The following FSTL5 variants were observed in gnomAD, a reference collection of about 807,000 sequenced individuals.
FSTL5 encodes the protein follistatin-related protein 5.
Under a neutral mutation model 89.1 loss-of-function variants are expected in FSTL5, and 62 were observed. The observed-to-expected ratio is 0.70, with a 90% confidence interval of 0.57 to 0.86. FSTL5 has a LOEUF of 0.86. Ranked by LOEUF, FSTL5 falls within the 40% of genes least tolerant of loss-of-function variation. The pLI, the probability that FSTL5 is intolerant of heterozygous loss-of-function variation, is 0.00. For missense variants in FSTL5, 1,057 were observed against 1,001.6 expected (o/e 1.06, Z -0.75); for synonymous variants, 383 against 346.2 (o/e 1.11, Z -1.18).
intron 8 of FSTL5, among the ~76,000 whole-genome samples, chr4:161,582,394 T>G (rs1733466760): frequency 6.6e-6 from 1 of 152,208 alleles, no homozygotes; most frequent in Non-Finnish European, 1.5e-5. Context: ...GTAGATAATT[T>G]GCATTTTCTC....
chr4:162,128,822 ACT>A, intron 1 of FSTL5, among the ~76,000 whole-genome samples: 1 of 152,190 alleles, frequency 6.6e-6, no homozygotes, highest in East Asian at 1.9e-4. Flanking sequence ...TCTTAAAATG[ACT>A]CTCATTGTAA....
rs118171034 is a variant in FSTL5, at chr4:161,668,036, G to C, written c.728-11542C>G. 6.0e-3 allele frequency among the ~76,000 whole-genome samples: 908 copies of C among 151,658 alleles called. 9 individuals are homozygous for C. Among genetic ancestry groups the C allele is most frequent in the South Asian group, 0.045 (218 of 4,814 alleles). On this transcript the variant is annotated intron_variant, in intron 6 of 15. Transcript: ENST00000306100. ...AAAGAAAGAATGAAAATTAGAACAT[G>C]AAAAAAATAAAATTGAAAACAAAAA...
intron 7 of FSTL5, among the ~76,000 whole-genome samples, chr4:161,648,321 T>C (rs541522158): frequency 9.9e-5 from 15 of 152,260 alleles, no homozygotes; most frequent in African/African-American, 3.6e-4. Flanking sequence ...CCCTAGACAC[T>C]GCCAGGGGAT....
intron 4 of FSTL5, among the ~76,000 whole-genome samples, chr4:161,777,370 T>C (rs1741447314): frequency 2.0e-5 from 3 of 152,098 alleles, no homozygotes; most frequent in Admixed American, 2.0e-4. Context: ...TGCAGATATC[T>C]CTTTGATATT....
intron 15 of FSTL5, among the ~76,000 whole-genome samples, chr4:161,439,848 A>G (rs1003217648): frequency 2.6e-5 from 4 of 152,310 alleles, no homozygotes; most frequent in Non-Finnish European, 5.9e-5. Flanking sequence ...ATCAAGTTAC[A>G]GAGGTACATT....
intron 6 of FSTL5, among the ~76,000 whole-genome samples, chr4:161,697,212 G>A (rs762640180): frequency 9.2e-5 from 14 of 152,108 alleles, no homozygotes; most frequent in African/African-American, 2.4e-4. Flanking sequence ...GAATGGGGAC[G>A]GGAAGTGCTA....
chr4:161,881,956 C>T (rs948954721), intron 4 of FSTL5, among the ~76,000 whole-genome samples: 8 of 152,052 alleles, frequency 5.3e-5, no homozygotes, highest in Non-Finnish European at 8.8e-5. Flanking sequence ...AGCAGTTATC[C>T]AGTGGATTTT....
chr4:162,031,352 A>G (rs1737514922), intron 3 of FSTL5, among the ~76,000 whole-genome samples: 1 of 152,222 alleles, frequency 6.6e-6, no homozygotes, highest in African/African-American at 2.4e-5. Flanking sequence ...CTAATATCAA[A>G]TGAGGACATA....
At chr4:161,546,472 G>T in intron 8 of FSTL5, among the ~76,000 whole-genome samples, 1 of 150,768 alleles carries the variant, frequency 6.6e-6, no homozygotes, top group Non-Finnish European at 1.5e-5. Flanking sequence ...GAACACCAAA[G>T]AAAAAAAGAC....
At chr4:161,709,294 T>A (rs1420287493) in intron 6 of FSTL5, among the ~76,000 whole-genome samples, 1 of 152,180 alleles carries the variant, frequency 6.6e-6, no homozygotes, top group African/African-American at 2.4e-5. Flanking sequence ...TTCAAAGGCA[T>A]AAATGAATAT....
At chr4:161,793,331 C>A (rs551360002) in intron 4 of FSTL5, among the ~76,000 whole-genome samples, 157 of 152,346 alleles carry the variant, frequency 1.0e-3, no homozygotes, top group Middle Eastern at 3.4e-3. Flanking sequence ...CCCGAGCAAA[C>A]CATGGCAACA....
chr4:161,515,472 G>T (rs1374599084), intron 10 of FSTL5, among the ~76,000 whole-genome samples: 1 of 151,948 alleles, frequency 6.6e-6, no homozygotes, highest in Non-Finnish European at 1.5e-5. Flanking sequence ...CTCCCAGAGT[G>T]CTGGGATTAC....
At chr4:162,062,259 G>C (rs906270411) in intron 2 of FSTL5, among the ~76,000 whole-genome samples, 1 of 151,878 alleles carries the variant, frequency 6.6e-6, no homozygotes, top group Non-Finnish European at 1.5e-5. Flanking sequence ...TCGTAGGATA[G>C]ATTTCTAAAT....
At chr4:161,403,188 T>C (rs1731241229) in intron 15 of FSTL5, among the ~76,000 whole-genome samples, 2 of 152,198 alleles carry the variant, frequency 1.3e-5, no homozygotes, top group African/African-American at 2.4e-5. Flanking sequence ...CTTTAAATAC[T>C]TGAACACCAT....
At chr4:161,831,706 A>T (rs1730851521) in intron 4 of FSTL5, among the ~76,000 whole-genome samples, 1 of 151,948 alleles carries the variant, frequency 6.6e-6, no homozygotes, top group Admixed American at 6.6e-5. Flanking sequence ...AGAACTTTTT[A>T]GGAATACCTC....
At chr4:161,537,536 C>T (rs4355345) in intron 10 of FSTL5, among the ~76,000 whole-genome samples, 50,728 of 152,060 alleles carry the variant, frequency 0.33, 9,091 homozygotes, top group African/African-American at 0.41. Context: ...CCTATCTCTA[C>T]CCCTTTTGCC....
chr4:161,952,843 T>C (rs1017570993), intron 3 of FSTL5, among the ~76,000 whole-genome samples: 1 of 151,834 alleles, frequency 6.6e-6, no homozygotes, highest in Admixed American at 6.6e-5. Flanking sequence ...TCAACTTTAG[T>C]CATTATAGTC....
intron 6 of FSTL5, among the ~76,000 whole-genome samples, chr4:161,681,789 A>T (rs1737534191): frequency 6.6e-6 from 1 of 152,180 alleles, no homozygotes; most frequent in Non-Finnish European, 1.5e-5. Context: ...ATATTTTAAG[A>T]CTTTGTGTAT....
At chr4:162,098,299 T>C (rs576422442) in intron 2 of FSTL5, among the ~76,000 whole-genome samples, 168 of 152,072 alleles carry the variant, frequency 1.1e-3, no homozygotes, top group African/African-American at 3.9e-3. Flanking sequence ...ATCAGAACAT[T>C]GGTTGCCCTA....
Sources: allele counts gnomAD v4.1 joint callset (sites outside exome capture counted in the v4.1 genomes callset), GRCh38; gene constraint gnomAD v4.1.1; transcripts MANE v1.5; gene names NCBI Gene and HGNC (gene_info 2026-07-23, HGNC 2026-07-21).